EBF1: variants seen among roughly 807,000 people sequenced by gnomAD.
The protein encoded by EBF1 is EBF transcription factor 1.
Under a neutral mutation model 68.4 loss-of-function variants are expected in EBF1, and 10 were observed. The observed-to-expected ratio is 0.15, with a 90% CI of 0.09 to 0.25. EBF1 has a LOEUF of 0.25. EBF1 is among the 10% of genes least tolerant of loss of function. The pLI, the probability that EBF1 is intolerant of heterozygous loss-of-function variation, is 1.00. For missense variants in EBF1, 509 were observed against 794.4 expected, an observed-to-expected ratio of 0.64 and a Z score of 4.32; for synonymous variants, 298 against 299.8, an observed-to-expected ratio of 0.99 and a Z score of 0.06.
chr5:158,700,495 TG>T (rs1277732599), intron 15 of EBF1, among the ~76,000 whole-genome samples: 3 of 151,210 alleles, frequency 2.0e-5, no homozygotes, highest in Admixed American at 6.6e-5. Context: ...TTTACTATTC[TG>T]GAAGAATGTG....
At chr5:158,869,016 T>C (rs1796407401) in intron 6 of EBF1, among the ~76,000 whole-genome samples, 1 of 152,200 alleles carries the variant, frequency 6.6e-6, no homozygotes, top group Non-Finnish European at 1.5e-5. Flanking sequence ...TTTGGAATCA[T>C]GAAATGTGGC....
At chr5:158,861,515 C>A (rs886425320) in intron 6 of EBF1, among the ~76,000 whole-genome samples, 2 of 152,114 alleles carry the variant, frequency 1.3e-5, no homozygotes, top group African/African-American at 4.8e-5. Context: ...CAAAATAAAC[C>A]CCATGTTTAT....
chr5:158,814,530 A>T (rs541755385), intron 8 of EBF1, among the ~76,000 whole-genome samples: 78 of 152,306 alleles, frequency 5.1e-4, no homozygotes, highest in African/African-American at 1.9e-3. Context: ...GAAATTTCCC[A>T]CAGTTTACAG....
chr5:158,782,486 C>T (rs941559883), intron 9 of EBF1, among the ~76,000 whole-genome samples: 5 of 151,802 alleles, frequency 3.3e-5, no homozygotes, highest in African/African-American at 1.2e-4. Context: ...AAGTAAGACC[C>T]TGTCTCTACA....
At chr5:158,841,645 T>C (rs1790357080) in intron 6 of EBF1, among the ~76,000 whole-genome samples, 1 of 152,200 alleles carries the variant, frequency 6.6e-6, no homozygotes, top group South Asian at 2.1e-4. Context: ...GACTGCAATG[T>C]CTGTCAATCA....
chr5:158,857,874 C>A (rs2128019357), intron 6 of EBF1, among the ~76,000 whole-genome samples: 1 of 152,268 alleles, frequency 6.6e-6, no homozygotes, highest in Non-Finnish European at 1.5e-5. Flanking sequence ...ACATAATTAA[C>A]AGAATTTATC....
intron 6 of EBF1, among the ~76,000 whole-genome samples, chr5:158,920,358 T>C (rs1270836912): frequency 3.0e-4 from 45 of 152,230 alleles, no homozygotes; most frequent in Non-Finnish European, 1.5e-5. Flanking sequence ...TCCTATCATA[T>C]TGTTCTACCT....
chr5:158,712,950 G>C lies in EBF1; in HGVS notation c.1369+20C>G. On this transcript the variant is annotated intron_variant, in intron 13 of 15. Transcript: ENST00000313708. The stretch of plus-strand genomic sequence containing the variant: ...GGGGTGCTTAAGGTTGGGGAGGGAA[G>C]AGAAAAGCAAGCTTCTGACCCTGAT... 2.1e-6 allele frequency: 3 copies of C among 1,412,920 alleles called. No homozygotes were observed. Among genetic ancestry groups the C allele is most frequent in the Non-Finnish European group, 2.8e-6 (3 of 1,073,066 alleles). 87.5% of individuals were successfully genotyped at this position (1,412,920 alleles called of 1,614,324 possible). A position where few individuals can be genotyped will look rare whatever the true frequency, so the allele number is the denominator to read the frequency against.
intron 4 of EBF1, among the ~76,000 whole-genome samples, chr5:159,086,042 C>G (rs529021038): frequency 6.6e-6 from 1 of 152,104 alleles, no homozygotes; most frequent in Non-Finnish European, 1.5e-5. Context: ...ATCGAAACCA[C>G]TTTTTATGGC....
At chr5:158,960,782 G>T (rs985115881) in intron 6 of EBF1, among the ~76,000 whole-genome samples, 3 of 152,176 alleles carry the variant, frequency 2.0e-5, no homozygotes, top group South Asian at 4.1e-4. Flanking sequence ...GGCTCACTCA[G>T]TGTGGGAGAA....
chr5:158,814,267 C>T (rs1225425821), intron 8 of EBF1, among the ~76,000 whole-genome samples: 1 of 152,108 alleles, frequency 6.6e-6, no homozygotes, highest in African/African-American at 2.4e-5. Flanking sequence ...AGCTTGAGTG[C>T]AGGAGTTTGA....
intron 7 of EBF1, among the ~76,000 whole-genome samples, chr5:158,829,751 T>A (rs538600989): frequency 6.6e-6 from 1 of 152,312 alleles, no homozygotes; most frequent in South Asian, 2.1e-4. Flanking sequence ...CTTTGCAGAC[T>A]CGTCAAATGT....
chr5:158,700,511 TAA>T (rs76186329), intron 15 of EBF1, among the ~76,000 whole-genome samples: 161 of 131,484 alleles, frequency 1.2e-3, no homozygotes, highest in African/African-American at 3.6e-3. Context: ...AATGTGCCTT[TAA>T]AAAAAAAAAA....
chr5:159,012,952 G>A (rs143309947), intron 6 of EBF1, among the ~76,000 whole-genome samples: 44 of 152,272 alleles, frequency 2.9e-4, no homozygotes, highest in South Asian at 1.2e-3. Context: ...AGAAGACGGC[G>A]TCTACGAGCC....
chr5:158,880,702 G>A (rs1356527542), intron 6 of EBF1, among the ~76,000 whole-genome samples: 4 of 152,164 alleles, frequency 2.6e-5, no homozygotes, highest in Non-Finnish European at 5.9e-5. Context: ...ATTTAAATAA[G>A]AACGGTGTTC....
chr5:158,952,854 A>G (rs1354341261), intron 6 of EBF1, among the ~76,000 whole-genome samples: 1 of 152,240 alleles, frequency 6.6e-6, no homozygotes, highest in Non-Finnish European at 1.5e-5. Flanking sequence ...GGCTAGGGAC[A>G]TAAGGCTTAG....
At chr5:159,084,035 A>G (rs1780187086) in intron 5 of EBF1, among the ~76,000 whole-genome samples, 2 of 152,168 alleles carry the variant, frequency 1.3e-5, no homozygotes, top group Admixed American at 1.3e-4. Flanking sequence ...ACACTCATCT[A>G]TGGGTCACAT....
chr5:158,703,633 T>C (rs1757238186), intron 15 of EBF1, among the ~76,000 whole-genome samples: 1 of 149,808 alleles, frequency 6.7e-6, no homozygotes, highest in African/African-American at 2.5e-5. Flanking sequence ...CTCAGATATA[T>C]GGTAACTTTT....
intron 10 of EBF1, among the ~76,000 whole-genome samples, chr5:158,750,852 G>A (rs1027241430): frequency 6.6e-6 from 1 of 151,816 alleles, no homozygotes; most frequent in Non-Finnish European, 1.5e-5. Flanking sequence ...GGTTTTTAAA[G>A]CATCAAAGTT....
Sources: allele counts gnomAD v4.1 joint callset (sites outside exome capture counted in the v4.1 genomes callset), GRCh38; gene constraint gnomAD v4.1.1; transcripts MANE v1.5; gene names NCBI Gene and HGNC (gene_info 2026-07-23, HGNC 2026-07-21).